CDC42SE2: variants seen among roughly 807,000 people sequenced by gnomAD.
CDC42SE2 encodes CDC42 small effector protein 2.
A neutral mutation model predicts 11.5 loss-of-function variants in CDC42SE2; 3 were observed. The ratio of observed to expected loss-of-function variants is 0.26; its 90% CI spans 0.12 to 0.67. The LOEUF is 0.67. Ranked by LOEUF, CDC42SE2 falls within the 30% of genes least tolerant of loss-of-function variation. The probability of loss-of-function intolerance (pLI) is 0.80; values close to 1 mark genes in which losing one functional copy is unlikely to be tolerated. For synonymous variants in CDC42SE2, 33 were observed against 34.8 expected (o/e 0.95, Z 0.18); for missense variants, 82 against 106.8 (o/e 0.77, Z 1.02).
intron 2 of CDC42SE2, among the ~76,000 whole-genome samples, chr5:131,334,697 AG>A (rs1561588208): frequency 1.4e-4 from 21 of 151,842 alleles, no homozygotes; most frequent in African/African-American, 4.8e-4. Flanking sequence ...GTCTTGGGAG[AG>A]TGTATGTGTC....
chr5:131,329,564 A>G (rs1320955590), intron 2 of CDC42SE2, among the ~76,000 whole-genome samples: 2 of 152,114 alleles, frequency 1.3e-5, no homozygotes, highest in African/African-American at 2.4e-5. Context: ...TACACAAGCT[A>G]TATGAAAATA....
At chr5:131,252,108 G>GAAT (rs1561561640) in intron 1 of CDC42SE2, among the ~76,000 whole-genome samples, 34 of 150,066 alleles carry the variant, frequency 2.3e-4, no homozygotes, top group Non-Finnish European at 4.1e-4. Context: ...AAGGAAGGAA[G>GAAT]GAATCATGTA....
At chr5:131,236,541 C>T in the CDC42SE2 span, among the ~76,000 whole-genome samples, 7 of 152,188 alleles carry the variant, frequency 4.6e-5, no homozygotes, top group Middle Eastern at 3.4e-3. Flanking sequence ...GATTCTCATG[C>T]CTCAGCCTCC....
intron 2 of CDC42SE2, among the ~76,000 whole-genome samples, chr5:131,324,948 T>C (rs1758266308): frequency 6.6e-6 from 1 of 152,226 alleles, no homozygotes; most frequent in Non-Finnish European, 1.5e-5. Flanking sequence ...ATATCAGTTT[T>C]AATGTAAATT....
At chr5:131,233,723 A>G in the CDC42SE2 span, among the ~76,000 whole-genome samples, 1 of 152,186 alleles carries the variant, frequency 6.6e-6, no homozygotes, top group South Asian at 2.1e-4. Context: ...CACTATATGT[A>G]TATTTGTAGT....
intron 3 of CDC42SE2, among the ~76,000 whole-genome samples, chr5:131,362,675 C>T (rs1749742219): frequency 6.6e-6 from 1 of 152,074 alleles, no homozygotes; most frequent in Admixed American, 6.6e-5. Flanking sequence ...TCATTTTTCT[C>T]CTCCTACTCC....
intron 3 of CDC42SE2, among the ~76,000 whole-genome samples, chr5:131,377,116 T>C (rs1198388671): frequency 6.6e-6 from 1 of 152,124 alleles, no homozygotes; most frequent in African/African-American, 2.4e-5. Context: ...CAGCAGTATA[T>C]AAGTGTTCCC....
chr5:131,317,307 G>A (rs1758061427), intron 2 of CDC42SE2, among the ~76,000 whole-genome samples: 1 of 151,950 alleles, frequency 6.6e-6, no homozygotes, highest in African/African-American at 2.4e-5. Context: ...TTTGAGTATT[G>A]GCTTTCAATC....
rs763995890 is a variant in CDC42SE2, at chr5:131,359,531, C to A, written c.38C>A (p.Ala13Glu). Residue 13 changes from alanine (A) to glutamate (E), a missense_variant, in exon 3 of 5, where the codon GCA (alanine) becomes GAA (glutamate). Ala to Glu is a moderately radical substitution (Grantham distance 107). Transcript: ENST00000505065. ...EFWLCFNCCI[A>E]EQPQPKRRRR... Reference sequence around the variant, plus strand: ...TGGTTGTGTTTCAACTGCTGTATTGCAGAACAGCCTCAGCCTGTAAGTATG... The same window carrying A: ...TGGTTGTGTTTCAACTGCTGTATTGAAGAACAGCCTCAGCCTGTAAGTATG... 3 of 1,612,602 alleles carry A rather than the reference C, an allele frequency of 1.9e-6. No individual in the cohort carries two copies. In the South Asian group the frequency reaches 3.3e-5, roughly 18 times the overall value.
chr5:131,373,255 AAG>A (rs1356518546), intron 3 of CDC42SE2, among the ~76,000 whole-genome samples: 9 of 152,334 alleles, frequency 5.9e-5, no homozygotes, highest in Non-Finnish European at 1.0e-4. Flanking sequence ...TACAAAGAAA[AAG>A]AGAGTGAAGA....
upstream of CDC42SE2, among the ~76,000 whole-genome samples, chr5:131,259,969 C>T (rs1756709813): frequency 6.6e-6 from 1 of 152,158 alleles, no homozygotes; most frequent in Non-Finnish European, 1.5e-5. Context: ...TCATACCATC[C>T]CATTTGGGGC....
At chr5:131,317,941 G>A (rs1758085277) in intron 2 of CDC42SE2, among the ~76,000 whole-genome samples, 2 of 151,508 alleles carry the variant, frequency 1.3e-5, no homozygotes, top group African/African-American at 2.4e-5. Context: ...TTTGAGACAG[G>A]GTCTCACTCT....
intron 1 of CDC42SE2, among the ~76,000 whole-genome samples, chr5:131,246,796 T>C (rs1288478413): frequency 7.1e-6 from 1 of 140,172 alleles, no homozygotes; most frequent in Non-Finnish European, 1.5e-5. Context: ...GAGTTTGGAG[T>C]GCAATGGCGT....
chr5:131,247,348 G>A (rs896139079), intron 1 of CDC42SE2, among the ~76,000 whole-genome samples: 1 of 152,164 alleles, frequency 6.6e-6, no homozygotes, highest in Non-Finnish European at 1.5e-5. Flanking sequence ...GCCGGGCGAG[G>A]TGGCTCATGC....
At chr5:131,236,859 C>G in the CDC42SE2 span, among the ~76,000 whole-genome samples, 1 of 152,148 alleles carries the variant, frequency 6.6e-6, no homozygotes, top group Non-Finnish European at 1.5e-5. Flanking sequence ...AATTTCTGTA[C>G]TTTCTATTAT....
intron 2 of CDC42SE2, among the ~76,000 whole-genome samples, chr5:131,340,775 G>T (rs6884517): frequency 0.19 from 28,062 of 151,354 alleles, 6,726 homozygotes; most frequent in African/African-American, 0.56. Flanking sequence ...GCCTCCAGGT[G>T]CAAGCGATTC....
chr5:131,307,863 TTCTTTTGAAAAGTG>T (rs1204332122), intron 1 of CDC42SE2, among the ~76,000 whole-genome samples: 5 of 152,240 alleles, frequency 3.3e-5, no homozygotes, highest in African/African-American at 1.2e-4. Flanking sequence ...CATGAATGTC[TTCTTTTGAAAAGTG>T]TCTGCTCATA....
intron 3 of CDC42SE2, among the ~76,000 whole-genome samples, chr5:131,362,621 T>C (rs1244736013): frequency 2.6e-5 from 4 of 152,172 alleles, no homozygotes; most frequent in African/African-American, 9.7e-5. Context: ...CAACCCAATA[T>C]TGGGAAGAAA....
intron 2 of CDC42SE2, among the ~76,000 whole-genome samples, chr5:131,335,429 A>T (rs1383782929): frequency 6.6e-6 from 1 of 152,178 alleles, no homozygotes; most frequent in Non-Finnish European, 1.5e-5. Flanking sequence ...GGTGCTGAGA[A>T]GAATGTATAT....
Sources: gnomAD v4.1 joint callset for allele counts (sites outside exome capture counted in the v4.1 genomes callset) on GRCh38, gnomAD v4.1.1 for gene constraint, MANE v1.5 for transcripts, NCBI Gene and HGNC (gene_info 2026-07-23, HGNC 2026-07-21) for gene names.